TUBA4B: variants seen among roughly 807,000 people sequenced by gnomAD.
TUBA4B encodes the protein tubulin alpha 4b.
TUBA4B carries 13 observed loss-of-function variants against 18.4 expected under a neutral mutation model. The observed-to-expected ratio is 0.71, with a 90% CI of 0.46 to 1.12. TUBA4B has a LOEUF of 1.12. TUBA4B is among the 50% of genes most tolerant of loss of function. TUBA4B has a pLI of 0.00. For synonymous variants in TUBA4B, 101 were observed against 99.1 expected, an observed-to-expected ratio of 1.02 and a Z score of -0.11; for missense variants, 244 against 250.0, an observed-to-expected ratio of 0.98 and a Z score of 0.16.
intron 1 of TUBA4B, among the ~76,000 whole-genome samples, chr2:219,257,325 G>A (rs1156381757): frequency 1.4e-5 from 2 of 143,996 alleles, no homozygotes; most frequent in African/African-American, 2.6e-5. Context: ...ACAGGTGTGA[G>A]CCACTGCGCC....
intron 2 of TUBA4B, 136 bp from the exon 3 acceptor site, chr2:219,270,066 G>A: frequency 3.2e-6 from 2 of 621,788 alleles, no homozygotes; most frequent in Non-Finnish European, 2.9e-6. Context: ...ATCCAAGCAG[G>A]TAATAGCAGC....
chr2:219,255,919 T>C (rs1951715844), intron 1 of TUBA4B, among the ~76,000 whole-genome samples: 1 of 152,340 alleles, frequency 6.6e-6, no homozygotes, highest in South Asian at 2.1e-4. Flanking sequence ...AAGGTCTTTC[T>C]TCCCAGTAGA....
chr2:219,266,596 G>A (rs1312275149), intron 2 of TUBA4B, 30 bp downstream of exon 2: 1 of 702,482 alleles, frequency 1.4e-6, no homozygotes, highest in South Asian at 1.5e-5. Flanking sequence ...GGGGGACTGA[G>A]CATGCAAGTG....
At chr2:219,262,035 G>A (rs1284721825) in intron 1 of TUBA4B, among the ~76,000 whole-genome samples, 1 of 152,224 alleles carries the variant, frequency 6.6e-6, no homozygotes, top group African/African-American at 2.4e-5. Flanking sequence ...CTTCTGGCCG[G>A]GTGTAGTGGC....
At chr2:219,270,809 C>T (rs894088978) in intron 3 of TUBA4B, among the ~76,000 whole-genome samples, 4 of 152,006 alleles carry the variant, frequency 2.6e-5, no homozygotes, top group East Asian at 3.9e-4. Context: ...GTTAAATCAG[C>T]GGGGCATGGG....
In TUBA4B at chr2:219,270,218, C is replaced by T; in HGVS notation, c.75C>T (p.Ile25=). The part of the protein sequence containing the change: ...LSRQHGTYRQ[I]FHPEQLITGK... ...TTTGAACAGGCACATACCGCCAGAT[C>T]TTCCATCCAGAGCAGCTCATCACAG... is the stretch of plus-strand genomic sequence containing the variant. Residue 25 remains isoleucine, a synonymous_variant, in exon 3 of 4, where the codon ATC becomes ATT. Coordinates refer to ENST00000490341, the MANE Select transcript of TUBA4B (RefSeq NM_001355221.1). 1.3e-6 allele frequency: 1 copy of T among 760,268 alleles called. No individual in the cohort carries two copies. Among genetic ancestry groups the T allele is most frequent in the Non-Finnish European group, 2.4e-6 (1 of 410,148 alleles). The allele number at this position is 760,268 out of a possible 1,614,324, so 47.1% of individuals were successfully genotyped here.
intron 1 of TUBA4B, among the ~76,000 whole-genome samples, chr2:219,259,376 T>G (rs1445860432): frequency 6.6e-6 from 1 of 150,610 alleles, no homozygotes; most frequent in Admixed American, 6.6e-5. Context: ...ATACAGATTC[T>G]GCTTCTGATT....
In TUBA4B at chr2:219,253,282, G is replaced by T. The variant is rs950895209; in HGVS notation, c.-126G>T. ...GCGCACCCGGGCTTCGGCTGGAGAG[G>T]GCCAGCTCGCTTCAGGAGGCCGAAC... On this transcript the variant is annotated 5_prime_UTR_variant, in exon 1 of 4. Coordinates refer to ENST00000490341, the MANE Select transcript of TUBA4B (RefSeq NM_001355221.1). 6.7e-7 allele frequency: 1 copy of T among 1,503,290 alleles called. No individual in the cohort carries two copies. Among genetic ancestry groups the T allele is most frequent in the African/African-American group, 1.4e-5 (1 of 71,118 alleles). 93.1% of individuals were successfully genotyped at this position (1,503,290 alleles called of 1,614,324 possible).
chr2:219,255,855 ACT>A (rs1951715396), intron 1 of TUBA4B, among the ~76,000 whole-genome samples: 1 of 152,294 alleles, frequency 6.6e-6, no homozygotes, highest in South Asian at 2.1e-4. Context: ...AGTGATGGCA[ACT>A]CTCTATCAAC....
chr2:219,269,873 C>T (rs1457610008), intron 2 of TUBA4B, among the ~76,000 whole-genome samples: 3 of 152,128 alleles, frequency 2.0e-5, no homozygotes, highest in Admixed American at 1.3e-4. Context: ...CAACCTTGTC[C>T]CTGGGTACCA....
chr2:219,258,520 G>T (rs1951738870), intron 1 of TUBA4B, among the ~76,000 whole-genome samples: 1 of 151,206 alleles, frequency 6.6e-6, no homozygotes, highest in South Asian at 2.1e-4. Flanking sequence ...AGTAGAGATG[G>T]GGTTTCACCA....
intron 2 of TUBA4B, among the ~76,000 whole-genome samples, chr2:219,266,856 G>A (rs537649950): frequency 1.7e-4 from 26 of 152,214 alleles, no homozygotes; most frequent in African/African-American, 6.3e-4. Flanking sequence ...GGTGTGGGGA[G>A]TGTGGGGGAA....
chr2:219,262,869 C>T (rs557001162), intron 1 of TUBA4B, among the ~76,000 whole-genome samples: 37 of 151,632 alleles, frequency 2.4e-4, no homozygotes, highest in African/African-American at 8.5e-4. Flanking sequence ...GATGAAACCC[C>T]GTCTCTACTA....
chr2:219,271,984 A>T lies in TUBA4B; in HGVS notation c.*285A>T. 6.6e-7 allele frequency: 1 copy of T among 1,523,336 alleles called. No homozygotes were observed. The highest frequency in any genetic ancestry group is 1.1e-5 in the South Asian group (1 of 89,126). The allele number at this position is 1,523,336 out of a possible 1,614,324, so 94.4% of individuals were successfully genotyped here. On this transcript the variant is annotated 3_prime_UTR_variant, in exon 4 of 4. Coordinates refer to ENST00000490341, the MANE Select transcript of TUBA4B (RefSeq NM_001355221.1). ...CTGGACCACAAGTTTGACCTGATGT[A>T]TGCCAAGAGGGCGTTTGGGCACTGA... is the stretch of plus-strand genomic sequence containing the variant.
intron 1 of TUBA4B, among the ~76,000 whole-genome samples, chr2:219,258,922 A>C (rs1285958553): frequency 6.6e-6 from 1 of 151,986 alleles, no homozygotes; most frequent in African/African-American, 2.4e-5. Context: ...CACTGTAGCT[A>C]AGAGTTTATA....
intron 1 of TUBA4B, among the ~76,000 whole-genome samples, chr2:219,257,453 C>T (rs2125073749): frequency 6.7e-6 from 1 of 148,430 alleles, no homozygotes; most frequent in African/African-American, 2.5e-5. Flanking sequence ...CCAGCCTGAC[C>T]AACATAGTGA....
At chr2:219,262,820 C>G (rs1204823155) in intron 1 of TUBA4B, among the ~76,000 whole-genome samples, 1 of 152,078 alleles carries the variant, frequency 6.6e-6, no homozygotes, top group Non-Finnish European at 1.5e-5. Context: ...GTGGGCAGAT[C>G]ACCTGAGGTC....
chr2:219,270,965 C>T (rs1265027329), intron 3 of TUBA4B, among the ~76,000 whole-genome samples: 2 of 152,098 alleles, frequency 1.3e-5, no homozygotes, highest in Non-Finnish European at 2.9e-5. Flanking sequence ...TTAAGGGCCT[C>T]AGGAGATTTC....
chr2:219,264,194 T>A (rs1032742570), intron 1 of TUBA4B, among the ~76,000 whole-genome samples: 1 of 152,212 alleles, frequency 6.6e-6, no homozygotes, highest in Non-Finnish European at 1.5e-5. Context: ...GTGCAGTGGC[T>A]CATGCCTGTA....
Sources: allele counts gnomAD v4.1 joint callset (sites outside exome capture counted in the v4.1 genomes callset), GRCh38; gene constraint gnomAD v4.1.1; transcripts MANE v1.5; gene names NCBI Gene and HGNC (gene_info 2026-07-23, HGNC 2026-07-21).